SP4: variants seen among roughly 807,000 people sequenced by gnomAD.
SP4 encodes the protein transcription factor Sp4.
In SP4, 19 loss-of-function variants were observed where a neutral mutation model predicts 72.8. The observed-to-expected ratio is 0.26, with a 90% CI of 0.18 to 0.38. The LOEUF is 0.38. SP4 is among the 10% of genes least tolerant of loss of function. The pLI, the probability that SP4 is intolerant of heterozygous loss-of-function variation, is 1.00. For synonymous variants in SP4, 395 were observed against 333.1 expected (o/e 1.19, Z -2.02); for missense variants, 1,008 against 926.3 (o/e 1.09, Z -1.14).
At chr7:21,438,144 T>C (rs1002669530) in intron 3 of SP4, among the ~76,000 whole-genome samples, 1 of 152,144 alleles carries the variant, frequency 6.6e-6, no homozygotes, top group African/African-American at 2.4e-5. Context: ...TCATTAAAGA[T>C]TGGATGTTCA....
intron 5 of SP4, among the ~76,000 whole-genome samples, chr7:21,503,297 G>A (rs536104193): frequency 5.9e-5 from 9 of 152,234 alleles, no homozygotes; most frequent in South Asian, 4.1e-4. Flanking sequence ...GTAGCTCTGC[G>A]CAAATATAGG....
chr7:21,478,264 A>G (rs566421563), intron 4 of SP4, among the ~76,000 whole-genome samples: 4 of 152,332 alleles, frequency 2.6e-5, no homozygotes, highest in East Asian at 3.9e-4. Flanking sequence ...TATCCTGTCA[A>G]TTGAAGGACA....
In SP4 at chr7:21,477,295, A is replaced by C. The variant is rs748763148; in HGVS notation, c.1895A>C (p.Glu632Ala). ...RVACSCPNCR[E>A]GEGRGSNEPG... ...GCCTGTTCCTGTCCTAATTGTAGGGAAGGAGAAGGAAGGTAAATGCTGTAT... is the reference window on the plus strand; with the variant it reads ...GCCTGTTCCTGTCCTAATTGTAGGGCAGGAGAAGGAAGGTAAATGCTGTAT... Residue 632 changes from glutamate (E) to alanine (A), a missense_variant, in exon 4 of 6, where the codon GAA (glutamate) becomes GCA (alanine). Physicochemically the swap from Glu to Ala is moderately radical, Grantham distance 107. This residue lies in a region of SP4 where 893 missense variants were observed against 743.3 expected (regional missense o/e 1.20). Transcript: ENST00000222584. The C allele has an allele frequency of 6.2e-7, 1 of 1,606,510 alleles. No individual in the cohort carries two copies. Among genetic ancestry groups the C allele is most frequent in the Non-Finnish European group, 8.5e-7 (1 of 1,173,396 alleles).
In SP4 at chr7:21,429,871, G is replaced by A; in HGVS notation, c.706G>A (p.Gly236Ser). The A allele has an allele frequency of 1.2e-6, 2 of 1,614,100 alleles. No homozygotes were observed. Among genetic ancestry groups the A allele is most frequent in the Non-Finnish European group, 1.7e-6 (2 of 1,179,976 alleles). Reference sequence around the variant, plus strand: ...GACAGTTCCGGTCCAAATTAGACCTGGTGTTTCAATACCACTGCAGTTACA... The same window carrying A: ...GACAGTTCCGGTCCAAATTAGACCTAGTGTTTCAATACCACTGCAGTTACA... ...NQTVPVQIRP[G>S]VSIPLQLQTL... is the part of the protein sequence containing the mutation. The change falls in exon 3 of 6, where the codon GGT becomes AGT. Residue 236 changes from glycine (G) to serine (S), a missense_variant. By Grantham distance (56) the Gly-to-Ser change is moderately conservative. Around this residue, in one of 3 missense-constraint regions of SP4, gnomAD observed 893 missense variants for 743.3 expected, o/e 1.20. Transcript: ENST00000222584.
intron 3 of SP4, among the ~76,000 whole-genome samples, chr7:21,476,693 G>A (rs1312628529): frequency 6.6e-6 from 1 of 152,148 alleles, no homozygotes; most frequent in African/African-American, 2.4e-5. Flanking sequence ...CCGTGGAAAT[G>A]GTAATAAAGC....
At chr7:21,493,019 G>C (rs1445645501) in intron 5 of SP4, among the ~76,000 whole-genome samples, 2 of 152,070 alleles carry the variant, frequency 1.3e-5, no homozygotes, top group Non-Finnish European at 2.9e-5. Context: ...GGCCAACATG[G>C]TGAAACCCCA....
At chr7:21,458,350 G>T (rs1002317210) in intron 3 of SP4, among the ~76,000 whole-genome samples, 1 of 152,056 alleles carries the variant, frequency 6.6e-6, no homozygotes, top group Non-Finnish European at 1.5e-5. Flanking sequence ...CTGCCATCAT[G>T]CCTGGCTAAT....
intron 3 of SP4, among the ~76,000 whole-genome samples, chr7:21,449,148 G>A (rs1033115133): frequency 6.6e-6 from 1 of 152,166 alleles, no homozygotes; most frequent in Non-Finnish European, 1.5e-5. Context: ...ACTAGGGACA[G>A]CCCCTGTGCC....
At chr7:21,496,571 T>C (rs1193021311) in intron 5 of SP4, among the ~76,000 whole-genome samples, 4 of 152,216 alleles carry the variant, frequency 2.6e-5, no homozygotes, top group African/African-American at 9.6e-5. Flanking sequence ...GATTTTCTCT[T>C]TGTCTTTGTC....
intron 3 of SP4, among the ~76,000 whole-genome samples, chr7:21,456,233 G>C (rs2128400277): frequency 6.6e-6 from 1 of 152,292 alleles, no homozygotes. Flanking sequence ...CTCCAAAAAA[G>C]CAAGTGGGTA....
chr7:21,464,545 C>T (rs981418840), intron 3 of SP4, among the ~76,000 whole-genome samples: 30 of 151,804 alleles, frequency 2.0e-4, no homozygotes, highest in Non-Finnish European at 3.8e-4. Context: ...ACCCCTGCTC[C>T]GTTTGTCACA....
chr7:21,496,210 C>T (rs540476342), intron 5 of SP4, among the ~76,000 whole-genome samples: 21 of 152,230 alleles, frequency 1.4e-4, no homozygotes, highest in African/African-American at 4.8e-4. Flanking sequence ...TTTGTCAAAA[C>T]TCATAGAACT....
chr7:21,478,080 C>A (rs1554299083), intron 4 of SP4, among the ~76,000 whole-genome samples: 1 of 152,118 alleles, frequency 6.6e-6, no homozygotes, highest in Non-Finnish European at 1.5e-5. Context: ...TAATTTCTGT[C>A]TTTATAGATT....
intron 4 of SP4, among the ~76,000 whole-genome samples, chr7:21,477,642 T>C (rs1784544950): frequency 6.7e-6 from 1 of 149,800 alleles, no homozygotes; most frequent in Non-Finnish European, 1.5e-5. Flanking sequence ...GTTCAAGCGA[T>C]TCTCCTGCCT....
chr7:21,430,400 C>G lies in SP4; in HGVS notation c.1235C>G (p.Pro412Arg), dbSNP rs751741345. Residue 412 changes from proline (P) to arginine (R), a missense_variant, in exon 3 of 6, where the codon CCT (proline) becomes CGT (arginine). Pro to Arg is a moderately radical substitution (Grantham distance 103, BLOSUM62 -2). Transcript: ENST00000222584. The stretch of plus-strand genomic sequence containing the variant: ...TTACAGCAGATCCAGATCCAACAGC[C>G]TCAGCAACAGATCATTCAGGCTATT... ...PILQQIQIQQ[P>R]QQQIIQAIPP... 2 of 1,614,082 alleles carry G rather than the reference C, an allele frequency of 1.2e-6. No individual in the cohort carries two copies. The highest frequency in any genetic ancestry group is 2.7e-5 in the African/African-American group (2 of 74,914).
intron 3 of SP4, among the ~76,000 whole-genome samples, chr7:21,447,563 A>T (rs141053992): frequency 8.5e-4 from 130 of 152,370 alleles, no homozygotes; most frequent in African/African-American, 3.0e-3. Context: ...GAACAGTGGA[A>T]ACTATTTGCT....
chr7:21,480,588 T>G lies in SP4; in HGVS notation c.1908-1336T>G, dbSNP rs371920432. On this transcript the variant is annotated intron_variant, in intron 4 of 5. Coordinates refer to ENST00000222584, the MANE Select transcript of SP4 (RefSeq NM_003112.5). ...TTGGTAGTGATATCTCCTCTTTGAT[T>G]TCTGATTCTAATAATTTGAGTCCTA... is the stretch of plus-strand genomic sequence containing the variant. Among the ~76,000 whole-genome samples the G allele has an allele frequency of 1.1e-3, 166 of 152,334 alleles. 1 individual carries two copies. The highest frequency in any genetic ancestry group is 3.9e-3 in the African/African-American group (161 of 41,562).
chr7:21,434,734 G>C (rs944661208), intron 3 of SP4, among the ~76,000 whole-genome samples: 3 of 152,004 alleles, frequency 2.0e-5, no homozygotes, highest in Non-Finnish European at 2.9e-5. Flanking sequence ...TACCCAACAG[G>C]TATTTTTTTC....
At position 21,514,135 on chromosome 7, in the gene SP4, T is replaced by C. The variant is rs141278918; in HGVS notation, c.*2866T>C. 1 of 152,642 alleles carries C rather than the reference T, an allele frequency of 6.6e-6. No homozygotes were observed. Among genetic ancestry groups the C allele is most frequent in the Admixed American group, 6.5e-5 (1 of 15,284 alleles). The allele number at this position is 152,642 out of a possible 1,614,324, so 9.5% of individuals were successfully genotyped here. A position where few individuals can be genotyped will look rare whatever the true frequency, so the allele number is the denominator to read the frequency against. On this transcript the variant is annotated 3_prime_UTR_variant, in exon 6 of 6. Coordinates refer to ENST00000222584, the MANE Select transcript of SP4 (RefSeq NM_003112.5). ...AATAGTTTTTTCTTACAGTATACTT[T>C]CTTTGGTTAGGTTTGTGTATGTGTT...
Sources: gnomAD v4.1 joint callset for allele counts (sites outside exome capture counted in the v4.1 genomes callset) on GRCh38, gnomAD v4.1.1 for gene constraint, gnomAD v4.1.1 regional missense constraint, MANE v1.5 for transcripts, NCBI Gene and HGNC (gene_info 2026-07-23, HGNC 2026-07-21) for gene names.